ACTN1: variants seen among roughly 807,000 people sequenced by gnomAD.
ACTN1 encodes the protein actinin alpha 1.
Under a neutral mutation model 119.6 loss-of-function variants are expected in ACTN1, and 30 were observed. The observed-to-expected ratio is 0.25, with a 90% CI of 0.19 to 0.34. The LOEUF (loss-of-function observed/expected upper bound fraction) is 0.34. ACTN1 is among the 10% of genes least tolerant of loss of function. ACTN1 has a pLI of 1.00. For missense variants in ACTN1, 764 were observed against 1,223.4 expected, an observed-to-expected ratio of 0.62 and a Z score of 5.60; for synonymous variants, 429 against 472.6, an observed-to-expected ratio of 0.91 and a Z score of 1.20.
intron 6 of ACTN1, among the ~76,000 whole-genome samples, chr14:68,908,652 G>T (rs1257439539): frequency 6.6e-6 from 1 of 152,096 alleles, no homozygotes; most frequent in Non-Finnish European, 1.5e-5. Flanking sequence ...AGGGAACCTG[G>T]AGAGTGTGGT....
intron 1 of ACTN1, among the ~76,000 whole-genome samples, chr14:68,942,741 T>A (rs2035804879): frequency 6.6e-6 from 1 of 152,140 alleles, no homozygotes; most frequent in South Asian, 2.1e-4. Context: ...CAGCAGCGTA[T>A]CAGGAAATTC....
intron 8 of ACTN1, among the ~76,000 whole-genome samples, chr14:68,897,135 C>T (rs941469162): frequency 5.3e-5 from 8 of 152,096 alleles, no homozygotes; most frequent in African/African-American, 1.9e-4. Context: ...GGTGCATGCG[C>T]CACTATGTCT....
At chr14:68,978,920 G>GGGGGCTA (rs1555361793) in intron 1 of ACTN1, 32 bp downstream of exon 1, 2 of 1,443,536 alleles carry the variant, frequency 1.4e-6, no homozygotes, top group Non-Finnish European at 9.4e-7. Flanking sequence ...GCTGGGGGCT[G>GGGGGCTA]GGGGCTGCAG....
intron 3 of ACTN1, among the ~76,000 whole-genome samples, chr14:68,916,192 A>G (rs2034284372): frequency 6.6e-6 from 1 of 152,182 alleles, no homozygotes; most frequent in Non-Finnish European, 1.5e-5. Flanking sequence ...TGGTAATCCC[A>G]TGGTTTGGCC....
intron 1 of ACTN1, among the ~76,000 whole-genome samples, chr14:68,946,740 A>G (rs1399357643): frequency 6.6e-6 from 1 of 152,094 alleles, no homozygotes; most frequent in Non-Finnish European, 1.5e-5. Flanking sequence ...CCCACCATCC[A>G]TCCCCCACTT....
At chr14:68,975,479 C>A (rs2037029778) in intron 1 of ACTN1, among the ~76,000 whole-genome samples, 1 of 152,136 alleles carries the variant, frequency 6.6e-6, no homozygotes, top group African/African-American at 2.4e-5. Flanking sequence ...GGAACTTGCC[C>A]AAGGTCACAA....
chr14:68,895,112 G>GT (rs2032777604), intron 8 of ACTN1, among the ~76,000 whole-genome samples: 1 of 152,092 alleles, frequency 6.6e-6, no homozygotes, highest in Non-Finnish European at 1.5e-5. Context: ...GGCATGACCT[G>GT]CAGAGCAAGG....
At chr14:68,965,303 G>A (rs1002240711) in intron 1 of ACTN1, among the ~76,000 whole-genome samples, 7 of 152,234 alleles carry the variant, frequency 4.6e-5, no homozygotes, top group African/African-American at 1.7e-4. Context: ...CTGCAAAGGA[G>A]AGAAGGGCCA....
intron 4 of ACTN1, among the ~76,000 whole-genome samples, 200 bp from the exon 5 acceptor site, chr14:68,910,242 T>G (rs2033925633): frequency 6.6e-6 from 1 of 152,260 alleles, no homozygotes; most frequent in Admixed American, 6.5e-5. Flanking sequence ...GGGAAGCTGT[T>G]CAGAGCTAGT....
rs112896158 is a variant in ACTN1, at chr14:68,942,485, C to G, written c.106-16813G>C. ...TTCTGCAGAGCATCACCATGATTCT[C>G]AACACCACCCAGGAGGAAGTTTCTG... On this transcript the variant is annotated intron_variant, in intron 1 of 21. Coordinates refer to ENST00000394419, the MANE Select transcript of ACTN1 (RefSeq NM_001130004.2). 1.8e-3 allele frequency among the ~76,000 whole-genome samples: 268 copies of G among 152,322 alleles called. 1 individual carries two copies. Among genetic ancestry groups the G allele is most frequent in the Non-Finnish European group, 3.3e-3 (224 of 68,028 alleles).
At chr14:68,876,370 C>T (rs1419870547) in intron 21 of ACTN1, among the ~76,000 whole-genome samples, 2 of 152,114 alleles carry the variant, frequency 1.3e-5, no homozygotes, top group Non-Finnish European at 2.9e-5. Context: ...AGACCCTAGG[C>T]CCCCACCCCA....
intron 1 of ACTN1, among the ~76,000 whole-genome samples, chr14:68,948,275 T>C (rs753622483): frequency 6.6e-6 from 1 of 152,204 alleles, no homozygotes; most frequent in Non-Finnish European, 1.5e-5. Context: ...AACAAGCTTA[T>C]TAAGAAGTAG....
At position 68,962,210 on chromosome 14, in the gene ACTN1, C is replaced by T. The variant is rs539144240; in HGVS notation, c.105+16742G>A. 5.9e-5 allele frequency among the ~76,000 whole-genome samples: 9 copies of T among 152,312 alleles called. No homozygotes were observed. In the East Asian group the frequency reaches 1.7e-3, roughly 29 times the overall value. ...ACGACAAGAGCCCACATCCAGGGCA[C>T]GGGCGCCTGGGTGGTCTGAGGAGGG... On this transcript the variant is annotated intron_variant, in intron 1 of 21. Coordinates refer to ENST00000394419, the MANE Select transcript of ACTN1 (RefSeq NM_001130004.2).
intron 1 of ACTN1, among the ~76,000 whole-genome samples, chr14:68,968,556 C>T (rs576658246): frequency 6.6e-6 from 1 of 152,362 alleles, no homozygotes; most frequent in African/African-American, 2.4e-5. Flanking sequence ...AAACACCAAA[C>T]TTGGAACAGC....
chr14:68,964,884 G>C (rs1365679707), intron 1 of ACTN1, among the ~76,000 whole-genome samples: 1 of 152,176 alleles, frequency 6.6e-6, no homozygotes, highest in Non-Finnish European at 1.5e-5. Flanking sequence ...GCAAGAGCCA[G>C]TCCCAGGAAC....
chr14:68,962,708 G>T (rs2036579497), intron 1 of ACTN1, among the ~76,000 whole-genome samples: 1 of 152,180 alleles, frequency 6.6e-6, no homozygotes, highest in South Asian at 2.1e-4. Context: ...CTCCCCATTG[G>T]GTCAACCCAA....
Position 68,882,638 on chromosome 14 carries a change from T to C in ACTN1, c.1819-46A>G. On this transcript the variant is annotated intron_variant, in intron 15 of 21. Coordinates refer to ENST00000394419, the MANE Select transcript of ACTN1 (RefSeq NM_001130004.2). The surrounding 1 kb of genome is among the most constrained non-coding windows in gnomAD (Gnocchi z 4.5). ...CGACTTTCAGGATGGGTCAGCCATC[T>C]GTCCATGTGCCAGATGAGGAAATGG... 6.2e-7 allele frequency: 1 copy of C among 1,610,516 alleles called. No individual in the cohort carries two copies. The highest frequency in any genetic ancestry group is 8.5e-7 in the Non-Finnish European group (1 of 1,177,572).
intron 1 of ACTN1, among the ~76,000 whole-genome samples, chr14:68,951,210 G>A (rs538253492): frequency 1.3e-5 from 2 of 152,288 alleles, no homozygotes; most frequent in East Asian, 1.9e-4. Flanking sequence ...TGACTCAGGC[G>A]CTGGTTTCCC....
chr14:68,876,894 C>T (rs1158212096), intron 21 of ACTN1, among the ~76,000 whole-genome samples, 188 bp downstream of exon 21: 1 of 152,182 alleles, frequency 6.6e-6, no homozygotes, highest in Non-Finnish European at 1.5e-5. Flanking sequence ...TATACTAATC[C>T]TGTGTCCTGA....
Sources: allele counts gnomAD v4.1 joint callset (sites outside exome capture counted in the v4.1 genomes callset), GRCh38; gene constraint gnomAD v4.1.1; non-coding constraint Gnocchi (gnomAD v3.1); transcripts MANE v1.5; gene names NCBI Gene and HGNC (gene_info 2026-07-23, HGNC 2026-07-21).